The following EIF4G3 variants were observed in gnomAD, a reference collection of about 807,000 sequenced individuals.
EIF4G3 encodes the protein eIF-4-gamma 3.
A neutral mutation model predicts 186.4 loss-of-function variants in EIF4G3; 34 were observed. The ratio of observed to expected loss-of-function variants is 0.18; its 90% confidence interval spans 0.14 to 0.24. EIF4G3 has a LOEUF of 0.24. Ranked by LOEUF, EIF4G3 falls within the 10% of genes least tolerant of loss-of-function variation. The pLI is 1.00. For synonymous variants in EIF4G3, 673 were observed against 679.5 expected, an observed-to-expected ratio of 0.99 and a Z score of 0.15; for missense variants, 1,536 against 1,948.5, an observed-to-expected ratio of 0.79 and a Z score of 3.99.
chr1:20,927,299 G>A (rs1356534153), intron 14 of EIF4G3, among the ~76,000 whole-genome samples: 1 of 152,078 alleles, frequency 6.6e-6, no homozygotes, highest in African/African-American at 2.4e-5. Context: ...AACAGGTGTG[G>A]GAGATTTGCA....
intron 33 of EIF4G3, among the ~76,000 whole-genome samples, chr1:20,822,247 T>A (rs1297829541): frequency 6.6e-6 from 1 of 152,160 alleles, no homozygotes; most frequent in African/African-American, 2.4e-5. Context: ...TCTGTGCTGA[T>A]GTTACCGCTT....
chr1:20,936,218 A>C (rs1403417313), intron 14 of EIF4G3, among the ~76,000 whole-genome samples: 3 of 152,208 alleles, frequency 2.0e-5, no homozygotes, highest in Non-Finnish European at 4.4e-5. Context: ...GGGAAACAAG[A>C]AAATAGGAAT....
chr1:21,083,501 T>TC (rs1553218138), intron 3 of EIF4G3, among the ~76,000 whole-genome samples: 2 of 151,276 alleles, frequency 1.3e-5, no homozygotes, highest in African/African-American at 4.9e-5. Flanking sequence ...TTTTTTTTTT[T>TC]CTAATAGAGA....
At chr1:21,052,557 T>TCCTCTC (rs377421968) in intron 3 of EIF4G3, among the ~76,000 whole-genome samples, 5 of 151,482 alleles carry the variant, frequency 3.3e-5, no homozygotes, top group East Asian at 3.9e-4. Context: ...TCCCTCTCCC[T>TCCTCTC]CCTCTCCCTC....
intron 29 of EIF4G3, among the ~76,000 whole-genome samples, chr1:20,848,675 C>G (rs142883592): frequency 5.9e-5 from 9 of 152,178 alleles, no homozygotes; most frequent in Non-Finnish European, 1.2e-4. Flanking sequence ...TTCTTTATGC[C>G]TCAGTTTTAT....
intron 29 of EIF4G3, among the ~76,000 whole-genome samples, chr1:20,842,868 A>G (rs1280761020): frequency 6.7e-6 from 1 of 148,582 alleles, no homozygotes; most frequent in Non-Finnish European, 1.5e-5. Context: ...TTAAAGAGAG[A>G]AGGTCTCACT....
chr1:20,975,624 T>G (rs1414868895), intron 10 of EIF4G3, among the ~76,000 whole-genome samples: 2 of 149,282 alleles, frequency 1.3e-5, no homozygotes, highest in Non-Finnish European at 3.0e-5. Flanking sequence ...TATAATAGTA[T>G]ATTATTATAA....
intron 33 of EIF4G3, among the ~76,000 whole-genome samples, chr1:20,824,276 G>A (rs2063080695): frequency 6.6e-6 from 1 of 152,210 alleles, no homozygotes; most frequent in African/African-American, 2.4e-5. Flanking sequence ...CAACCAAAAA[G>A]AAAGCTAATG....
intron 30 of EIF4G3, among the ~76,000 whole-genome samples, chr1:20,835,588 C>CA (rs2066508279): frequency 6.6e-6 from 1 of 151,976 alleles, no homozygotes; most frequent in Non-Finnish European, 1.5e-5. Context: ...CTACTATGAA[C>CA]AATAAATGGA....
At chr1:20,885,383 A>G (rs1207457808) in intron 19 of EIF4G3, among the ~76,000 whole-genome samples, 1 of 152,232 alleles carries the variant, frequency 6.6e-6, no homozygotes, top group African/African-American at 2.4e-5. Flanking sequence ...ACTTCATTTT[A>G]TAGTTGAGAT....
At chr1:20,869,774 C>CAAAA (rs35907806) in intron 20 of EIF4G3, among the ~76,000 whole-genome samples, 1 of 48,630 alleles carries the variant, frequency 2.1e-5, no homozygotes, top group Non-Finnish European at 4.1e-5. Flanking sequence ...GACTACGTCT[C>CAAAA]AAAAAAAAAA....
intron 15 of EIF4G3, among the ~76,000 whole-genome samples, chr1:20,900,167 A>T (rs2089796149): frequency 6.6e-6 from 1 of 152,190 alleles, no homozygotes; most frequent in Non-Finnish European, 1.5e-5. Flanking sequence ...GAAATGCTTT[A>T]ACATGAGACT....
At chr1:20,857,260 G>A (rs1387545266) in intron 25 of EIF4G3, 143 bp downstream of exon 25, 26 of 671,176 alleles carry the variant, frequency 3.9e-5, no homozygotes, top group Non-Finnish European at 6.8e-5. Flanking sequence ...ACCACCCCAT[G>A]GATTTGCAAT....
chr1:20,832,371 A>T (rs1279786276), intron 30 of EIF4G3, among the ~76,000 whole-genome samples: 4 of 56,270 alleles, frequency 7.1e-5, no homozygotes, highest in Non-Finnish European at 1.7e-4. Context: ...GATGATGAGC[A>T]TTTTTTCATG....
At chr1:21,156,007 G>C (rs1006584196) in intron 2 of EIF4G3, among the ~76,000 whole-genome samples, 8 of 151,786 alleles carry the variant, frequency 5.3e-5, no homozygotes, top group Admixed American at 1.3e-4. Flanking sequence ...CATGCCTATA[G>C]TCCCAGCTAC....
intron 34 of EIF4G3, among the ~76,000 whole-genome samples, 154 bp from the exon 35 acceptor site, chr1:20,813,393 T>A (rs1190788912): frequency 4.2e-5 from 4 of 94,808 alleles, no homozygotes; most frequent in Admixed American, 1.4e-4. Flanking sequence ...TAAGACCCTA[T>A]CTCTTAAAAA....
At chr1:20,907,346 A>G (rs1443515796) in intron 14 of EIF4G3, among the ~76,000 whole-genome samples, 1 of 152,170 alleles carries the variant, frequency 6.6e-6, no homozygotes, top group Non-Finnish European at 1.5e-5. Flanking sequence ...AAACAAAAAT[A>G]CAAAAAGGTA....
At chr1:20,916,595 T>G (rs1312388041) in intron 14 of EIF4G3, among the ~76,000 whole-genome samples, 1 of 151,862 alleles carries the variant, frequency 6.6e-6, no homozygotes, top group Non-Finnish European at 1.5e-5. Context: ...GGAAAAAATA[T>G]AGAAAAAAAC....
At chr1:21,063,189 G>T (rs189094414) in intron 3 of EIF4G3, among the ~76,000 whole-genome samples, 1 of 152,112 alleles carries the variant, frequency 6.6e-6, no homozygotes, top group African/African-American at 2.4e-5. Flanking sequence ...GAATAGCTGG[G>T]ACTACAGGCA....
Sources: allele counts gnomAD v4.1 joint callset (sites outside exome capture counted in the v4.1 genomes callset), GRCh38; gene constraint gnomAD v4.1.1; transcripts MANE v1.5; gene names NCBI Gene and HGNC (gene_info 2026-07-23, HGNC 2026-07-21).